KREMEN1: variants seen among roughly 807,000 people sequenced by gnomAD.
The protein encoded by KREMEN1 is kremen protein 1.
Under a neutral mutation model 46.5 loss-of-function variants are expected in KREMEN1, and 30 were observed. The observed-to-expected ratio is 0.65, with a 90% CI of 0.48 to 0.88. KREMEN1 has a LOEUF of 0.88. KREMEN1 is among the 40% of genes least tolerant of loss of function. The pLI, the probability that KREMEN1 is intolerant of heterozygous loss-of-function variation, is 0.00. For missense variants in KREMEN1, 533 were observed against 596.9 expected (o/e 0.89, Z 1.11); for synonymous variants, 214 against 230.6 (o/e 0.93, Z 0.65).
Position 29,073,201 on chromosome 22 carries a change from C to A in KREMEN1, c.71C>A (p.Pro24His). Reference sequence around the variant, plus strand: ...CTCACGCTGGCGGCCCGGCCCGCGCCTAGCCCCGGCCTCGGCCCCGGACCC... The same window carrying A: ...CTCACGCTGGCGGCCCGGCCCGCGCATAGCCCCGGCCTCGGCCCCGGACCC... ...AALTLAARPAPSPGLGPGPEC... is the reference protein window; with the variant it reads ...AALTLAARPAHSPGLGPGPEC... The change falls in exon 1 of 9, where the codon CCT becomes CAT. Residue 24 changes from proline to histidine, a missense_variant. Coordinates refer to ENST00000400335, the MANE Select transcript of KREMEN1 (RefSeq NM_001039570.3). The surrounding 1 kb of genome is among the most constrained non-coding windows in gnomAD (Gnocchi z 4.4). The A allele has an allele frequency of 8.4e-7, 1 of 1,190,120 alleles. No homozygotes were observed. The highest frequency in any genetic ancestry group is 1.0e-6 in the Non-Finnish European group (1 of 963,070). 73.7% of individuals were successfully genotyped at this position (1,190,120 alleles called of 1,614,324 possible). A position where few individuals can be genotyped will look rare whatever the true frequency, so the allele number is the denominator to read the frequency against.
At chr22:29,104,713 C>A (rs2038026543) in intron 3 of KREMEN1, among the ~76,000 whole-genome samples, 1 of 152,008 alleles carries the variant, frequency 6.6e-6, no homozygotes, top group Non-Finnish European at 1.5e-5. Flanking sequence ...TCAAGACCAG[C>A]CTGGCCAACA....
At chr22:29,165,655 C>A (rs1473467290) in intron 9 of KREMEN1, among the ~76,000 whole-genome samples, 1 of 152,190 alleles carries the variant, frequency 6.6e-6, no homozygotes, top group Non-Finnish European at 1.5e-5. Flanking sequence ...CAAGACCAAA[C>A]AACTAAGAAG....
At chr22:29,100,576 T>C (rs1242484090) in intron 3 of KREMEN1, among the ~76,000 whole-genome samples, 1 of 152,234 alleles carries the variant, frequency 6.6e-6, no homozygotes, top group Non-Finnish European at 1.5e-5. Flanking sequence ...TATACAATTA[T>C]GTACAGTACA....
At position 29,155,830 on chromosome 22, in the gene KREMEN1, G is replaced by A. The variant is rs572335078; in HGVS notation, c.1417-11214G>A. ...AAAAATTAGCTGGGTGTGGTGGCGCGTGCCTGTAATCCCAGCTACTCAGGA... is the reference window on the plus strand; with the variant it reads ...AAAAATTAGCTGGGTGTGGTGGCGCATGCCTGTAATCCCAGCTACTCAGGA... On this transcript the variant is annotated intron_variant, in intron 9 of 9. Coordinates refer to the KREMEN1 transcript ENST00000327813. Among the ~76,000 whole-genome samples the A allele has an allele frequency of 3.4e-4, 52 of 151,878 alleles. 1 individual carries two copies. Among genetic ancestry groups the A allele is most frequent in the African/African-American group, 1.0e-3 (43 of 41,380 alleles).
chr22:29,133,059 G>A (rs908568258), intron 5 of KREMEN1, among the ~76,000 whole-genome samples: 3 of 151,770 alleles, frequency 2.0e-5, no homozygotes, highest in East Asian at 1.9e-4. Flanking sequence ...CCATCCTGGC[G>A]AACACGGTGA....
chr22:29,131,798 G>A (rs891141998), intron 5 of KREMEN1, among the ~76,000 whole-genome samples: 3 of 137,950 alleles, frequency 2.2e-5, no homozygotes, highest in Admixed American at 7.5e-5. Flanking sequence ...GTGTTTTGCA[G>A]AATATTATAT....
intron 5 of KREMEN1, among the ~76,000 whole-genome samples, chr22:29,134,543 T>C (rs1249079789): frequency 6.6e-6 from 1 of 151,478 alleles, no homozygotes. Context: ...GTTCTGTAGA[T>C]TGTTTTAACA....
chr22:29,117,110 G>T (rs1401199775), intron 3 of KREMEN1, among the ~76,000 whole-genome samples: 1 of 152,158 alleles, frequency 6.6e-6, no homozygotes, highest in Non-Finnish European at 1.5e-5. Context: ...TTTAAAATGA[G>T]CTGGTTAGAT....
chr22:29,152,473 T>A (rs373305997), intron 9 of KREMEN1, among the ~76,000 whole-genome samples: 1 of 152,198 alleles, frequency 6.6e-6, no homozygotes, highest in Non-Finnish European at 1.5e-5. Context: ...CTTTCCCATG[T>A]AGGGAGTCCT....
At chr22:29,122,957 A>G (rs945812187) in intron 4 of KREMEN1, among the ~76,000 whole-genome samples, 5 of 151,030 alleles carry the variant, frequency 3.3e-5, no homozygotes, top group South Asian at 4.2e-4. Flanking sequence ...AAAAAAAAAA[A>G]AAAAAAAAAG....
At position 29,142,136 on chromosome 22, in the gene KREMEN1, G is replaced by C; in HGVS notation, c.*24G>C. On this transcript the variant is annotated 3_prime_UTR_variant, in exon 9 of 9. Transcript: ENST00000400335. ...AAAAACCCCACTGTGCCTAGGACTT[G>C]AGGTCCCTCTTTGAGCTCAAGGCTG... is the stretch of plus-strand genomic sequence containing the variant. 6.5e-7 allele frequency: 1 copy of C among 1,539,764 alleles called. No homozygotes were observed. Among genetic ancestry groups the C allele is most frequent in the South Asian group, 1.3e-5 (1 of 79,366 alleles).
chr22:29,092,378 G>A (rs2037818360), intron 1 of KREMEN1, among the ~76,000 whole-genome samples: 2 of 152,174 alleles, frequency 1.3e-5, no homozygotes, highest in Admixed American at 1.3e-4. Flanking sequence ...TTGGTGGCAA[G>A]TTGACATTTG....
intron 5 of KREMEN1, among the ~76,000 whole-genome samples, chr22:29,134,644 C>T (rs1339494442): frequency 1.3e-5 from 2 of 152,126 alleles, no homozygotes; most frequent in East Asian, 3.9e-4. Context: ...ACACTAGGGG[C>T]TGAGATAGTG....
chr22:29,152,025 A>AAC (rs1556019564), intron 9 of KREMEN1, among the ~76,000 whole-genome samples: 2 of 150,818 alleles, frequency 1.3e-5, no homozygotes, highest in Non-Finnish European at 3.0e-5. Context: ...AAAAAAAAAA[A>AAC]AGCACAGGAG....
At chr22:29,074,022 C>G (rs1421722020) in intron 1 of KREMEN1, among the ~76,000 whole-genome samples, 2 of 152,246 alleles carry the variant, frequency 1.3e-5, no homozygotes, top group Non-Finnish European at 2.9e-5. Context: ...CCCGCCTACA[C>G]CGGTGGAACC....
In KREMEN1 at chr22:29,144,713, C is replaced by A. The variant is rs1293726961; in HGVS notation, c.*2601C>A. 1.0e-6 allele frequency: 1 copy of A among 985,434 alleles called. No individual in the cohort carries two copies. Among genetic ancestry groups the A allele is most frequent in the Non-Finnish European group, 1.2e-6 (1 of 830,008 alleles). 61.0% of individuals were successfully genotyped at this position (985,434 alleles called of 1,614,324 possible). A position where few individuals can be genotyped will look rare whatever the true frequency, so the allele number is the denominator to read the frequency against. ...GGCACGTGGCCCCAGGAAGAGTTCA[C>A]CCGGCCAGGGGGCAGTTGTTCAGTT... On this transcript the variant is annotated 3_prime_UTR_variant, in exon 9 of 9. Transcript: ENST00000400335.
rs144645908 is a variant in KREMEN1, at chr22:29,112,087, C to T, written c.353-9270C>T. ...GCCACTTCATCTCCCTTCTCTGCCTCTCTCTCAGCTTGTTATCCATCCTTC... is the reference window on the plus strand; with the variant it reads ...GCCACTTCATCTCCCTTCTCTGCCTTTCTCTCAGCTTGTTATCCATCCTTC... On this transcript the variant is annotated intron_variant, in intron 3 of 8. Transcript: ENST00000400335. Among the ~76,000 whole-genome samples the T allele has an allele frequency of 1.1e-3, 171 of 152,296 alleles. 1 individual carries two copies. The highest frequency in any genetic ancestry group is 3.9e-3 in the African/African-American group (161 of 41,568).
intron 8 of KREMEN1, among the ~76,000 whole-genome samples, chr22:29,141,044 A>G (rs758176541): frequency 2.4e-4 from 36 of 152,230 alleles, no homozygotes; most frequent in Admixed American, 9.8e-4. Context: ...CTGAAAATGT[A>G]TGTATGTCCA....
At chr22:29,167,073 C>T (rs2039058847) in exon 10 of KREMEN1, 10 of 1,551,698 alleles carry the variant, frequency 6.4e-6, no homozygotes, top group Non-Finnish European at 8.7e-6. Flanking sequence ...TGACATCACT[C>T]ATCTGGTCTC....
Sources: gnomAD v4.1 joint callset for allele counts (sites outside exome capture counted in the v4.1 genomes callset) on GRCh38, gnomAD v4.1.1 for gene constraint, Gnocchi (gnomAD v3.1) non-coding constraint, MANE v1.5 for transcripts, NCBI Gene and HGNC (gene_info 2026-07-23, HGNC 2026-07-21) for gene names.